The following KCNMA1 variants were observed in gnomAD, a reference collection of about 807,000 sequenced individuals.
KCNMA1 encodes the protein potassium calcium-activated channel subfamily M alpha 1.
KCNMA1 carries 29 observed loss-of-function variants against 140.0 expected under a neutral mutation model. That is an observed-to-expected ratio of 0.21 (90% CI 0.15 to 0.28). The LOEUF (loss-of-function observed/expected upper bound fraction) is 0.28, where lower values mean the gene tolerates loss of function less well. KCNMA1 is among the 10% of genes least tolerant of loss of function. The pLI is 1.00. For missense variants in KCNMA1, 880 were observed against 1,602.2 expected (o/e 0.55, Z 7.70); for synonymous variants, 612 against 611.9 (o/e 1.00, Z 0.00).
chr10:77,054,607 T>G lies in KCNMA1; in HGVS notation c.1750-14970A>C, dbSNP rs138328533. Among the ~76,000 whole-genome samples, 3 of 152,318 alleles carry G rather than the reference T, an allele frequency of 2.0e-5. No homozygotes were observed. In the East Asian group the frequency reaches 5.8e-4, roughly 29 times the overall value. The stretch of plus-strand genomic sequence containing the variant: ...TACATCCACTTCCCATCCTCCAGTG[T>G]ATACAGAGTACAGCCATCAAGACAG... On this transcript the variant is annotated intron_variant, in intron 14 of 27. Coordinates refer to ENST00000286628, the MANE Select transcript of KCNMA1 (RefSeq NM_001161352.2).
intron 1 of KCNMA1, among the ~76,000 whole-genome samples, chr10:77,564,704 G>A (rs930226639): frequency 1.3e-5 from 2 of 152,152 alleles, no homozygotes; most frequent in Non-Finnish European, 2.9e-5. Context: ...CTTCCTCCTG[G>A]CATCTAGGTG....
At chr10:77,346,677 G>A (rs2092206683) in intron 2 of KCNMA1, among the ~76,000 whole-genome samples, 1 of 152,110 alleles carries the variant, frequency 6.6e-6, no homozygotes, top group African/African-American at 2.4e-5. Flanking sequence ...CAGACTCATT[G>A]GGGTTGCTGT....
Position 77,637,664 on chromosome 10 carries a change from G to A in KCNMA1, c.-22C>T. On this transcript the variant is annotated 5_prime_UTR_variant, in exon 1 of 28. Coordinates refer to ENST00000286628, the MANE Select transcript of KCNMA1 (RefSeq NM_001161352.2). ...CCATAGCTAGCAACGGGCAGCCGGC[G>A]CAGGGGCTCGGGGGAGCTCCTCCCG... is the stretch of plus-strand genomic sequence containing the variant. 1 of 1,489,112 alleles carries A rather than the reference G, an allele frequency of 6.7e-7. No homozygotes were observed. The highest frequency in any genetic ancestry group is 2.3e-4 in the Middle Eastern group (1 of 4,364). 92.2% of individuals were successfully genotyped at this position (1,489,112 alleles called of 1,614,324 possible).
chr10:77,589,104 C>T (rs1348617839), intron 1 of KCNMA1, among the ~76,000 whole-genome samples: 1 of 152,188 alleles, frequency 6.6e-6, no homozygotes, highest in Non-Finnish European at 1.5e-5. Flanking sequence ...ACAAAACATG[C>T]AGTGGGCCGG....
At chr10:77,123,146 C>G (rs1353845011) in intron 5 of KCNMA1, among the ~76,000 whole-genome samples, 7 of 128,516 alleles carry the variant, frequency 5.4e-5, no homozygotes, top group African/African-American at 1.8e-4. Context: ...CGCCACTGCA[C>G]TCCAGCCTGG....
chr10:77,171,408 T>TGTGTGC lies in KCNMA1; in HGVS notation c.808+12012_808+12013insGCACAC, dbSNP rs2098706803. Among the ~76,000 whole-genome samples the TGTGTGC allele has an allele frequency of 1.1e-4, 6 of 52,332 alleles. No individual in the cohort carries two copies. In the South Asian group the frequency reaches 5.6e-3, roughly 49 times the overall value. The allele number at this position is 52,332 out of a possible 152,430, so 34.3% of individuals were successfully genotyped here. ...GTGCGTGTGTGTGTGTGCGTGTGTG[T>TGTGTGC]GTGTGTGTGTGTGTGTGTGTGTGTG... On this transcript the variant is annotated intron_variant, in intron 5 of 27. Coordinates refer to ENST00000286628, the MANE Select transcript of KCNMA1 (RefSeq NM_001161352.2).
intron 2 of KCNMA1, among the ~76,000 whole-genome samples, chr10:77,352,649 T>TG (rs869147986): frequency 0.026 from 3,536 of 138,122 alleles, 68 homozygotes; most frequent in Middle Eastern, 0.046. Flanking sequence ...TGTGTGTGTG[T>TG]TTGTGTGTGT....
Position 76,887,320 on chromosome 10 carries a change from G to C in KCNMA1, c.3657C>G (p.Pro1219=), listed in dbSNP as rs2037550034. 12 of 1,614,110 alleles carry C rather than the reference G, an allele frequency of 7.4e-6. No homozygotes were observed. The East Asian group carries it at 2.7e-4, about 36-fold the overall frequency. ...GTTTGTCCCGGGACTCCCTGGACTT[G>C]GGCCGGTTCTGTCGGTTTGCTGTGG... ...IPSTANRQNR[P]KSRESRDKQK... is the part of the protein sequence containing the mutation. The change falls in exon 28 of 28, where the codon CCC becomes CCG. Residue 1219 remains proline (P), a synonymous_variant. Transcript: ENST00000286628.
intron 23 of KCNMA1, among the ~76,000 whole-genome samples, chr10:76,931,011 G>A (rs2059142691): frequency 6.6e-6 from 1 of 152,176 alleles, no homozygotes; most frequent in Non-Finnish European, 1.5e-5. Context: ...ATGGGGAGAT[G>A]TTGGTCAAAG....
intron 9 of KCNMA1, among the ~76,000 whole-genome samples, chr10:77,098,836 C>T (rs2153819155): frequency 6.6e-6 from 1 of 152,134 alleles, no homozygotes; most frequent in Middle Eastern, 3.4e-3. Flanking sequence ...TGAACCCTCA[C>T]AAACTGCACT....
At chr10:77,533,495 G>A (rs1312166224) in intron 1 of KCNMA1, among the ~76,000 whole-genome samples, 1 of 152,196 alleles carries the variant, frequency 6.6e-6, no homozygotes, top group East Asian at 1.9e-4. Flanking sequence ...AGGAGGAACA[G>A]TAAATGTTGG....
intron 2 of KCNMA1, among the ~76,000 whole-genome samples, chr10:77,398,015 CAT>C (rs543580125): frequency 1.1e-4 from 16 of 149,466 alleles, no homozygotes; most frequent in Admixed American, 2.7e-4. Context: ...AATATATATA[CAT>C]ATATAATGTG....
intron 1 of KCNMA1, among the ~76,000 whole-genome samples, chr10:77,565,570 G>A (rs1236987419): frequency 6.6e-6 from 1 of 152,172 alleles, no homozygotes; most frequent in Non-Finnish European, 1.5e-5. Flanking sequence ...CTCGGTTCCA[G>A]GGCAGGCCCT....
At chr10:77,332,091 G>A (rs766082207) in intron 2 of KCNMA1, among the ~76,000 whole-genome samples, 10 of 152,166 alleles carry the variant, frequency 6.6e-5, no homozygotes, top group Non-Finnish European at 1.3e-4. Flanking sequence ...CGAGGGCACA[G>A]CCCATTGTGG....
chr10:77,094,712 T>A (rs747283086), intron 9 of KCNMA1, among the ~76,000 whole-genome samples: 1 of 152,146 alleles, frequency 6.6e-6, no homozygotes, highest in Non-Finnish European at 1.5e-5. Context: ...ATTTTATTTA[T>A]TTTTTAGAGA....
At chr10:77,628,082 G>A (rs765323918) in intron 1 of KCNMA1, among the ~76,000 whole-genome samples, 33 of 151,672 alleles carry the variant, frequency 2.2e-4, no homozygotes, top group Non-Finnish European at 3.7e-4. Context: ...AGGGAAGAAG[G>A]AGCAAGAACA....
chr10:77,356,502 T>C (rs1465862505), intron 2 of KCNMA1, among the ~76,000 whole-genome samples: 27 of 152,160 alleles, frequency 1.8e-4, no homozygotes, highest in Non-Finnish European at 2.9e-5. Context: ...AGGTCTGTGT[T>C]GGTAAATTAG....
chr10:77,421,443 G>A (rs11594398), intron 1 of KCNMA1, among the ~76,000 whole-genome samples: 6,278 of 152,224 alleles, frequency 0.041, 201 homozygotes, highest in Non-Finnish European at 0.067. Context: ...ACTAGAGGTG[G>A]GCAAATTGTT....
In KCNMA1 at chr10:76,887,345, G is replaced by T; in HGVS notation, c.3632C>A (p.Ser1211Tyr). Residue 1211 changes from serine to tyrosine, a missense_variant, in exon 28 of 28, where the codon TCC (serine) becomes TAC (tyrosine). Transcript: ENST00000286628. ...KKSSSVHSIP[S>Y]TANRQNRPKS... ...GGGCCGGTTCTGTCGGTTTGCTGTG[G>T]ATGGGATGGAGTGAACAGAGGAGCT... 6.2e-7 allele frequency: 1 copy of T among 1,614,118 alleles called. No individual in the cohort carries two copies. Among genetic ancestry groups the T allele is most frequent in the Non-Finnish European group, 8.5e-7 (1 of 1,180,016 alleles).
Sources: gnomAD v4.1 joint callset for allele counts (sites outside exome capture counted in the v4.1 genomes callset) on GRCh38, gnomAD v4.1.1 for gene constraint, MANE v1.5 for transcripts, NCBI Gene and HGNC (gene_info 2026-07-23, HGNC 2026-07-21) for gene names.